The following CNGB1 variants were observed in gnomAD, a reference collection of about 807,000 sequenced individuals.
The protein encoded by CNGB1 is cyclic nucleotide gated channel subunit beta 1.
A neutral mutation model predicts 151.7 loss-of-function variants in CNGB1; 126 were observed. The ratio of observed to expected loss-of-function variants is 0.83; its 90% CI spans 0.72 to 0.96. The LOEUF (loss-of-function observed/expected upper bound fraction) is 0.96. Among genes scored for constraint, CNGB1 ranks in the 40% least tolerant of loss-of-function variants. The probability of loss-of-function intolerance (pLI) is 0.00; values close to 1 mark genes in which losing one functional copy is unlikely to be tolerated. For synonymous variants in CNGB1, 623 were observed against 635.1 expected, an observed-to-expected ratio of 0.98 and a Z score of 0.29; for missense variants, 1,698 against 1,627.0, an observed-to-expected ratio of 1.04 and a Z score of -0.75.
chr16:57,960,648 G>A (rs918650031), intron 8 of CNGB1, 118 bp from the exon 9 acceptor site: 33 of 1,383,538 alleles, frequency 2.4e-5, no homozygotes, highest in Admixed American at 2.0e-5. Context: ...GGGGTGGGGG[G>A]TGTCTCTCCT....
At position 57,940,249 on chromosome 16, in the gene CNGB1, C is replaced by G; in HGVS notation, c.1194G>C (p.Gln398His). The change falls in exon 15 of 33, where the codon CAG (glutamine) becomes CAC (histidine). Residue 398 changes from glutamine to histidine, a missense_variant. Gln to His is a conservative substitution (Grantham distance 24). Transcript: ENST00000251102. ...CTTCTCATACCTGATCTGAAGTGCTCTGGGGCCGGGTCCCGTCTTCTTCAC... is the reference window on the plus strand; with the variant it reads ...CTTCTCATACCTGATCTGAAGTGCTGTGGGGCCGGGTCCCGTCTTCTTCAC... ...GQSEEDGTRP[Q>H]STSDQKLWEE... 6.4e-7 allele frequency: 1 copy of G among 1,570,798 alleles called. No individual in the cohort carries two copies. Among genetic ancestry groups the G allele is most frequent in the Non-Finnish European group, 8.6e-7 (1 of 1,157,934 alleles).
intron 29 of CNGB1, 102 bp from the exon 30 acceptor site, chr16:57,898,016 T>C: frequency 8.4e-7 from 1 of 1,195,690 alleles, no homozygotes; most frequent in Non-Finnish European, 1.2e-6. Flanking sequence ...AGGAGGAACC[T>C]AGGCACTGGG....
At chr16:57,887,212 A>G (rs2033250) in intron 32 of CNGB1, among the ~76,000 whole-genome samples, 105,100 of 151,968 alleles carry the variant, frequency 0.69, 36,716 homozygotes, top group Middle Eastern at 0.86. Flanking sequence ...TCACAGACAC[A>G]GTATTAAATA....
At position 57,923,284 on chromosome 16, in the gene CNGB1, CG is replaced by C; in HGVS notation, c.1631del (p.Pro544ArgfsTer29). On this transcript the variant is annotated frameshift_variant, in exon 18 of 33. Transcript: ENST00000251102. LOFTEE classifies it high-confidence loss of function. ...PVVAWSDPTT[P>X]KDTDGQDRAA... ...CAGAGGGGTCTCACTCAGTGTCCTT[CG>C]GGGTGGTGGGGTCAGACCAGGCAAC... 1 of 1,596,550 alleles carries C rather than the reference CG, an allele frequency of 6.3e-7. No homozygotes were observed. Among genetic ancestry groups the C allele is most frequent in the Admixed American group, 1.7e-5 (1 of 59,198 alleles).
At chr16:57,908,343 C>T (rs1960612962) in intron 25 of CNGB1, among the ~76,000 whole-genome samples, 1 of 152,258 alleles carries the variant, frequency 6.6e-6, no homozygotes, top group South Asian at 2.1e-4. Flanking sequence ...ACCTTGGACG[C>T]AAGCATCCCA....
At chr16:57,886,003 G>A (rs1442376983) in intron 32 of CNGB1, among the ~76,000 whole-genome samples, 1 of 152,212 alleles carries the variant, frequency 6.6e-6, no homozygotes, top group African/African-American at 2.4e-5. Flanking sequence ...CTCATGGGAA[G>A]TTAGAAAAGT....
intron 17 of CNGB1, among the ~76,000 whole-genome samples, chr16:57,924,255 C>T (rs3784901): frequency 0.16 from 25,056 of 151,888 alleles, 2,334 homozygotes; most frequent in Middle Eastern, 0.31. Flanking sequence ...TACTGAGAAA[C>T]GCAAAAGCCT....
Position 57,884,305 on chromosome 16 carries a change from A to G in CNGB1, c.3615T>C (p.Leu1205=). 6.2e-7 allele frequency: 1 copy of G among 1,612,178 alleles called. No individual in the cohort carries two copies. Among genetic ancestry groups the G allele is most frequent in the Non-Finnish European group, 8.5e-7 (1 of 1,179,468 alleles). The change falls in exon 33 of 33, where the codon CTT becomes CTC. Residue 1205 remains leucine (L), a synonymous_variant. Transcript: ENST00000251102. ...SPPSSPPPAS[L]GRPEGEEEGP... ...CCTCCTCCTCTCCCTCCGGCCTCCC[A>G]AGGGAGGCAGGCGGTGGAGAGCTCG...
At chr16:57,916,331 T>C (rs1960867980) in intron 21 of CNGB1, 152 bp from the exon 22 acceptor site, 3 of 790,922 alleles carry the variant, frequency 3.8e-6, no homozygotes, top group African/African-American at 1.7e-5. Context: ...TTGAGTTTTA[T>C]GGGTGGAGAG....
chr16:57,887,658 G>A (rs768364951), intron 32 of CNGB1, among the ~76,000 whole-genome samples, 197 bp downstream of exon 32: 4 of 152,098 alleles, frequency 2.6e-5, no homozygotes, highest in Admixed American at 6.5e-5. Flanking sequence ...TTTCGATTAC[G>A]TGACCCCTAA....
chr16:57,947,149 G>C (rs1232955382), intron 14 of CNGB1, among the ~76,000 whole-genome samples: 1 of 151,930 alleles, frequency 6.6e-6, no homozygotes, highest in East Asian at 1.9e-4. Context: ...GTGCATATGG[G>C]TATAGTGCAG....
intron 1 of CNGB1, among the ~76,000 whole-genome samples, chr16:57,968,945 G>A (rs1324971102): frequency 6.7e-6 from 1 of 150,060 alleles, no homozygotes; most frequent in Non-Finnish European, 1.5e-5. Flanking sequence ...GCAAGGGGTC[G>A]AGGCTTCAGT....
At chr16:57,970,758 G>A (rs1051586102) in intron 1 of CNGB1, among the ~76,000 whole-genome samples, 1 of 152,148 alleles carries the variant, frequency 6.6e-6, no homozygotes, top group African/African-American at 2.4e-5. Context: ...TGGGAAGGGG[G>A]ACCCACGAGT....
chr16:57,908,760 C>T (rs998617299), intron 25 of CNGB1, among the ~76,000 whole-genome samples: 2 of 152,198 alleles, frequency 1.3e-5, no homozygotes. Context: ...CTGTGCGCAT[C>T]CCTCCTGCCC....
intron 12 of CNGB1, chr16:57,955,052 G>A (rs1962050607): frequency 1.5e-6 from 2 of 1,297,544 alleles, no homozygotes; most frequent in African/African-American, 3.0e-5. Context: ...CCCGGCTATG[G>A]GCCTTTTCCA....
intron 31 of CNGB1, 92 bp from the exon 32 acceptor site, chr16:57,888,166 T>C: frequency 7.4e-7 from 1 of 1,357,036 alleles, no homozygotes; most frequent in Admixed American, 1.9e-5. Flanking sequence ...TGGAGCTGTG[T>C]AGTGGTGGTG....
intron 31 of CNGB1, among the ~76,000 whole-genome samples, chr16:57,894,869 T>A (rs1392342995): frequency 1.3e-5 from 2 of 152,132 alleles, no homozygotes; most frequent in East Asian, 3.8e-4. Context: ...GAATGTAAAC[T>A]GAAACAAGTG....
intron 20 of CNGB1, 21 bp from the exon 21 acceptor site, chr16:57,917,497 G>T: frequency 6.2e-7 from 1 of 1,612,072 alleles, no homozygotes; most frequent in South Asian, 1.1e-5. Flanking sequence ...GGTTGACGGG[G>T]ACGCTAGAGC....
intron 12 of CNGB1, among the ~76,000 whole-genome samples, chr16:57,953,526 C>G (rs1435502059): frequency 1.3e-5 from 2 of 151,640 alleles, no homozygotes; most frequent in Non-Finnish European, 2.9e-5. Context: ...AGTCAACAGC[C>G]TCATGTAGGA....
Sources: allele counts gnomAD v4.1 joint callset (sites outside exome capture counted in the v4.1 genomes callset), GRCh38; gene constraint gnomAD v4.1.1; transcripts MANE v1.5; gene names NCBI Gene and HGNC (gene_info 2026-07-23, HGNC 2026-07-21).